Variants in NAV2 observed in about 807,000 individuals in gnomAD.
NAV2 encodes helicase, APC down-regulated 1.
A neutral mutation model predicts 223.2 loss-of-function variants in NAV2; 54 were observed. The ratio of observed to expected loss-of-function variants is 0.24; its 90% CI spans 0.19 to 0.30. The LOEUF (loss-of-function observed/expected upper bound fraction) is 0.30. Among genes scored for constraint, NAV2 ranks in the 10% least tolerant of loss-of-function variants. The probability of loss-of-function intolerance (pLI) is 1.00; values close to 1 mark genes in which losing one functional copy is unlikely to be tolerated. For synonymous variants in NAV2, 1,279 were observed against 1,239.3 expected, an observed-to-expected ratio of 1.03 and a Z score of -0.67; for missense variants, 2,806 against 3,147.5, an observed-to-expected ratio of 0.89 and a Z score of 2.60.
Position 19,913,174 on chromosome 11 carries a change from A to G in NAV2, c.932-20002A>G, listed in dbSNP as rs543468216. On this transcript the variant is annotated intron_variant, in intron 6 of 37. Transcript: ENST00000349880. ...TAACCAGGTCAGAAATCATTTGAAAAATAATTAGGGTACCTAATTTGATCT... is the reference window on the plus strand; with the variant it reads ...TAACCAGGTCAGAAATCATTTGAAAGATAATTAGGGTACCTAATTTGATCT... Among the ~76,000 whole-genome samples the G allele has an allele frequency of 1.2e-4, 18 of 152,334 alleles. No individual in the cohort carries two copies. The East Asian group carries it at 3.3e-3, about 28-fold the overall frequency.
At chr11:19,599,341 T>C (rs2046294666) in intron 1 of NAV2, among the ~76,000 whole-genome samples, 1 of 152,216 alleles carries the variant, frequency 6.6e-6, no homozygotes, top group Non-Finnish European at 1.5e-5. Context: ...ATGTTTTCCT[T>C]CTTACCTCCT....
At chr11:19,464,995 G>A (rs1852299491) in intron 1 of NAV2, among the ~76,000 whole-genome samples, 1 of 152,154 alleles carries the variant, frequency 6.6e-6, no homozygotes, top group Non-Finnish European at 1.5e-5. Flanking sequence ...GGCTAGCCTG[G>A]AGTTGGGCTC....
At chr11:19,363,409 GTAT>G (rs1265049161) in intron 1 of NAV2, among the ~76,000 whole-genome samples, 1 of 152,122 alleles carries the variant, frequency 6.6e-6, no homozygotes, top group Non-Finnish European at 1.5e-5. Flanking sequence ...GGTTCCAAAG[GTAT>G]TATTATCATC....
chr11:19,934,854 T>C (rs751654945), intron 7 of NAV2, among the ~76,000 whole-genome samples: 1 of 152,032 alleles, frequency 6.6e-6, no homozygotes, highest in African/African-American at 2.4e-5. Flanking sequence ...GCTCATGTTC[T>C]GAGGAGATAA....
At chr11:19,813,280 G>A (rs1162867744) in intron 1 of NAV2, among the ~76,000 whole-genome samples, 1 of 152,160 alleles carries the variant, frequency 6.6e-6, no homozygotes, top group East Asian at 1.9e-4. Context: ...GAGTTGGAAA[G>A]CATGTAAGGT....
chr11:19,644,821 C>T (rs1266796577), intron 1 of NAV2, among the ~76,000 whole-genome samples: 1 of 152,196 alleles, frequency 6.6e-6, no homozygotes. Context: ...GCAGAAAAAC[C>T]AGAGCACAAA....
Position 19,946,401 on chromosome 11 carries a change from G to A in NAV2, c.2147G>A (p.Gly716Glu). 2.5e-6 allele frequency: 4 copies of A among 1,611,408 alleles called. No homozygotes were observed. Among genetic ancestry groups the A allele is most frequent in the Non-Finnish European group, 3.4e-6 (4 of 1,179,186 alleles). ...TGQPALEELT[G>E]EDPEARRLRT... The stretch of plus-strand genomic sequence containing the variant: ...CTAGTCTTAACCCTCATCTTTCTAG[G>A]GGAAGATCCTGAGGCTCGGCGGCTG... Residue 716 changes from glycine to glutamate, a missense_variant and splice_region_variant, in exon 9 of 38, where the codon GGG becomes GAG. Transcript: ENST00000349880.
intron 1 of NAV2, among the ~76,000 whole-genome samples, chr11:19,465,172 T>G (rs12792754): frequency 6.6e-6 from 1 of 152,122 alleles, no homozygotes; most frequent in African/African-American, 2.4e-5. Flanking sequence ...ACTTTCCACT[T>G]TCCTTAGGTA....
At chr11:19,745,355 G>A (rs2053241346) in intron 1 of NAV2, among the ~76,000 whole-genome samples, 1 of 152,158 alleles carries the variant, frequency 6.6e-6, no homozygotes, top group Non-Finnish European at 1.5e-5. Context: ...CATCCTTCTG[G>A]TTTAAAAAAC....
chr11:19,383,250 A>T (rs1406536091), intron 1 of NAV2, among the ~76,000 whole-genome samples: 3 of 152,192 alleles, frequency 2.0e-5, no homozygotes, highest in Admixed American at 2.0e-4. Flanking sequence ...AAATATGAGC[A>T]GAAGAGCTGT....
At chr11:19,867,665 A>G (rs1450378959) in intron 3 of NAV2, among the ~76,000 whole-genome samples, 1 of 152,224 alleles carries the variant, frequency 6.6e-6, no homozygotes, top group Non-Finnish European at 1.5e-5. Context: ...GTTGGAAAGG[A>G]GATGGGAACC....
At chr11:19,552,921 G>C (rs1392772369) in intron 1 of NAV2, among the ~76,000 whole-genome samples, 1 of 151,948 alleles carries the variant, frequency 6.6e-6, no homozygotes, top group Non-Finnish European at 1.5e-5. Flanking sequence ...AGCTGGATGG[G>C]AGTGCTGAGA....
chr11:19,616,199 G>A (rs1162122343), intron 1 of NAV2, among the ~76,000 whole-genome samples: 1 of 151,848 alleles, frequency 6.6e-6, no homozygotes, highest in Non-Finnish European at 1.5e-5. Flanking sequence ...CCTTCTTGGA[G>A]TCCAGAAGTC....
chr11:19,730,533 C>G (rs897738343), intron 1 of NAV2, among the ~76,000 whole-genome samples: 4 of 152,220 alleles, frequency 2.6e-5, no homozygotes, highest in African/African-American at 9.6e-5. Flanking sequence ...AGTGCTGGCT[C>G]AGAGGCCAGA....
At chr11:19,494,603 C>T (rs944659521) in intron 1 of NAV2, among the ~76,000 whole-genome samples, 1 of 152,186 alleles carries the variant, frequency 6.6e-6, no homozygotes, top group Non-Finnish European at 1.5e-5. Context: ...TAAATGTAGA[C>T]GTTCTCAACG....
At chr11:19,571,988 T>A (rs899316752) in intron 1 of NAV2, among the ~76,000 whole-genome samples, 2 of 152,144 alleles carry the variant, frequency 1.3e-5, no homozygotes, top group East Asian at 3.9e-4. Context: ...GCACTCACTG[T>A]GTTAGGGACA....
At chr11:19,545,745 CT>C (rs1438417588) in intron 1 of NAV2, among the ~76,000 whole-genome samples, 2 of 144,666 alleles carry the variant, frequency 1.4e-5, no homozygotes, top group African/African-American at 2.8e-5. Flanking sequence ...TCTGAAAACA[CT>C]TTGGGATTTT....
intron 3 of NAV2, among the ~76,000 whole-genome samples, chr11:19,846,641 A>T (rs1218838867): frequency 6.6e-6 from 1 of 152,200 alleles, no homozygotes; most frequent in Non-Finnish European, 1.5e-5. Flanking sequence ...AGCCCATCAC[A>T]CATTCAGTCC....
At chr11:19,977,950 G>T (rs930708034) in intron 10 of NAV2, among the ~76,000 whole-genome samples, 1 of 151,320 alleles carries the variant, frequency 6.6e-6, no homozygotes, top group South Asian at 2.1e-4. Context: ...GATTACAGGC[G>T]CCTGCCACCA....
Sources: gnomAD v4.1 joint callset for allele counts (sites outside exome capture counted in the v4.1 genomes callset) on GRCh38, gnomAD v4.1.1 for gene constraint, MANE v1.5 for transcripts, NCBI Gene and HGNC (gene_info 2026-07-23, HGNC 2026-07-21) for gene names.